The following GMPR variants were observed in gnomAD, a reference collection of about 807,000 sequenced individuals.
GMPR encodes GMP reductase 1.
Under a neutral mutation model 38.4 loss-of-function variants are expected in GMPR, and 31 were observed. The ratio of observed to expected loss-of-function variants is 0.81; its 90% confidence interval spans 0.61 to 1.09. The LOEUF is 1.09. GMPR is among the 50% of genes least tolerant of loss of function. The pLI is 0.00. For synonymous variants in GMPR, 162 were observed against 173.3 expected (o/e 0.93, Z 0.51); for missense variants, 468 against 453.7 (o/e 1.03, Z -0.29).
At chr6:16,260,852 T>C (rs1561823898) in intron 4 of GMPR, among the ~76,000 whole-genome samples, 1 of 151,816 alleles carries the variant, frequency 6.6e-6, no homozygotes, top group Non-Finnish European at 1.5e-5. Context: ...AGGTGTGGTA[T>C]CAGGAATAAC....
chr6:16,266,487 ACGTCCGACGTGC>A (rs1158111985), intron 4 of GMPR, among the ~76,000 whole-genome samples: 1 of 142,840 alleles, frequency 7.0e-6, no homozygotes, highest in Non-Finnish European at 1.5e-5. Context: ...AAAAGGTGGC[ACGTCCGACGTGC>A]CACCTTTAAG....
intron 7 of GMPR, among the ~76,000 whole-genome samples, chr6:16,288,953 A>G (rs1158253997): frequency 6.6e-6 from 1 of 152,182 alleles, no homozygotes; most frequent in Non-Finnish European, 1.5e-5. Flanking sequence ...CGCCCTGACA[A>G]AACAGACCAC....
At chr6:16,263,608 C>T (rs943755369) in intron 4 of GMPR, among the ~76,000 whole-genome samples, 2 of 150,138 alleles carry the variant, frequency 1.3e-5, no homozygotes, top group African/African-American at 2.5e-5. Context: ...GATAAGAGGT[C>T]GGGTTGCAGA....
At chr6:16,278,177 ACAGAGCTGAGTGAGAG>A (rs1759510956) in intron 5 of GMPR, among the ~76,000 whole-genome samples, 1 of 152,114 alleles carries the variant, frequency 6.6e-6, no homozygotes, top group South Asian at 2.1e-4. Context: ...CCTGTGGAGC[ACAGAGCTGAGTGAGAG>A]CAGGTGAGGG....
In GMPR at chr6:16,254,497, G is replaced by C; in HGVS notation, c.292-65G>C. 6.5e-6 allele frequency: 9 copies of C among 1,379,796 alleles called. No homozygotes were observed. In the Admixed American group the frequency reaches 1.2e-4, roughly 18 times the overall value. The allele number at this position is 1,379,796 out of a possible 1,614,324, so 85.5% of individuals were successfully genotyped here. On this transcript the variant is annotated intron_variant, in intron 3 of 8. Coordinates refer to ENST00000259727, the MANE Select transcript of GMPR (RefSeq NM_006877.4). ...ACTGTCCCAGAATAGGTGCATAAAT[G>C]GGGGCAGGGTCTGATGTCTGAATGC...
intron 6 of GMPR, 101 bp from the exon 7 acceptor site, chr6:16,285,691 TG>T: frequency 2.2e-6 from 2 of 901,096 alleles, no homozygotes; most frequent in Non-Finnish European, 3.6e-6. Flanking sequence ...CTGGGGGCTG[TG>T]GTGGGTCTGA....
chr6:16,271,953 G>GT (rs1365281301), intron 4 of GMPR, among the ~76,000 whole-genome samples: 5 of 152,188 alleles, frequency 3.3e-5, no homozygotes, highest in Non-Finnish European at 2.9e-5. Context: ...CCTCACACCT[G>GT]TAATTGCAGC....
intron 8 of GMPR, among the ~76,000 whole-genome samples, chr6:16,292,343 C>T (rs1192660014): frequency 3.3e-5 from 5 of 151,900 alleles, no homozygotes; most frequent in South Asian, 2.1e-4. Context: ...TCTATTCATC[C>T]GTGGGGTTCT....
At chr6:16,290,181 G>A (rs1018990971) in intron 7 of GMPR, 6 of 325,158 alleles carry the variant, frequency 1.8e-5, no homozygotes, top group African/African-American at 8.2e-5. Flanking sequence ...GAAGGTGGTC[G>A]TAGTTAGCCA....
In GMPR at chr6:16,295,110, C is replaced by T; in HGVS notation, c.962C>T (p.Ala321Val). The change falls in exon 9 of 9, where the codon GCC (alanine) becomes GTC (valine). Residue 321 changes from alanine (A) to valine (V), a missense_variant. Coordinates refer to ENST00000259727, the MANE Select transcript of GMPR (RefSeq NM_006877.4). Reference sequence around the variant, plus strand: ...AGGTCCACGTGCACCTACGTGGGGGCCGCCAAACTCAAGGAGCTCAGCAGG... The same window carrying T: ...AGGTCCACGTGCACCTACGTGGGGGTCGCCAAACTCAAGGAGCTCAGCAGG... The part of the protein sequence containing the change: ...GLRSTCTYVG[A>V]AKLKELSRRA... 6.3e-7 allele frequency: 1 copy of T among 1,577,614 alleles called. No individual in the cohort carries two copies. Among genetic ancestry groups the T allele is most frequent in the Non-Finnish European group, 8.6e-7 (1 of 1,167,878 alleles).
At chr6:16,282,282 G>T (rs1009180826) in intron 6 of GMPR, among the ~76,000 whole-genome samples, 1 of 132,882 alleles carries the variant, frequency 7.5e-6, no homozygotes, top group African/African-American at 2.8e-5. Flanking sequence ...TTCCTGCATA[G>T]GTGAAGATTA....
chr6:16,272,609 A>G (rs1759405401), intron 4 of GMPR, among the ~76,000 whole-genome samples: 1 of 152,182 alleles, frequency 6.6e-6, no homozygotes, highest in Non-Finnish European at 1.5e-5. Flanking sequence ...GAGGTTGAAC[A>G]CTTTCCGTTT....
intron 5 of GMPR, among the ~76,000 whole-genome samples, chr6:16,275,817 G>A (rs1759462439): frequency 6.6e-6 from 1 of 152,198 alleles, no homozygotes; most frequent in Non-Finnish European, 1.5e-5. Context: ...CAGCACTTTG[G>A]GAGGCCAAGG....
At chr6:16,247,254 C>T (rs1033549683) in intron 2 of GMPR, among the ~76,000 whole-genome samples, 5 of 152,100 alleles carry the variant, frequency 3.3e-5, no homozygotes, top group African/African-American at 1.2e-4. Flanking sequence ...AGAAAAGTGA[C>T]AACCCCTTTA....
chr6:16,290,754 C>T, intron 8 of GMPR, 133 bp downstream of exon 8: 1 of 719,046 alleles, frequency 1.4e-6, no homozygotes, highest in South Asian at 1.9e-5. Flanking sequence ...TTTAAAGACC[C>T]CTAATTTGTA....
intron 1 of GMPR, among the ~76,000 whole-genome samples, chr6:16,239,285 C>T (rs1268825323): frequency 6.6e-6 from 1 of 152,204 alleles, no homozygotes; most frequent in Non-Finnish European, 1.5e-5. Flanking sequence ...GGTTTCCTTT[C>T]TGAGTTTGGC....
intron 5 of GMPR, 39 bp from the exon 6 acceptor site, chr6:16,278,745 A>G: frequency 6.7e-6 from 9 of 1,351,768 alleles, no homozygotes; most frequent in Non-Finnish European, 9.6e-6. Flanking sequence ...CTTCTCATGT[A>G]TAACCATCTA....
intron 4 of GMPR, among the ~76,000 whole-genome samples, chr6:16,255,718 TATG>T (rs201447777): frequency 0.014 from 2,121 of 152,312 alleles, 16 homozygotes; most frequent in Non-Finnish European, 0.023. Flanking sequence ...TAATTCTAAT[TATG>T]ATGGCACATA....
intron 1 of GMPR, among the ~76,000 whole-genome samples, chr6:16,239,578 T>C (rs999649239): frequency 1.3e-5 from 2 of 152,220 alleles, no homozygotes; most frequent in African/African-American, 4.8e-5. Flanking sequence ...CGCTGGTGAC[T>C]GGCTTTGCTG....
Sources: allele counts gnomAD v4.1 joint callset (sites outside exome capture counted in the v4.1 genomes callset), GRCh38; gene constraint gnomAD v4.1.1; transcripts MANE v1.5; gene names NCBI Gene and HGNC (gene_info 2026-07-23, HGNC 2026-07-21).